Variants in SGMS1 observed in about 807,000 individuals in gnomAD.
The protein encoded by SGMS1 is sphingomyelin synthase 1, also known as phosphatidylcholine:ceramide cholinephosphotransferase 1.
A neutral mutation model predicts 46.2 loss-of-function variants in SGMS1; 13 were observed. That is an observed-to-expected ratio of 0.28 (90% CI 0.18 to 0.45). SGMS1 has a LOEUF of 0.45. Among genes scored for constraint, SGMS1 ranks in the 20% least tolerant of loss-of-function variants. The probability of loss-of-function intolerance (pLI) is 1.00; values close to 1 mark genes in which losing one functional copy is unlikely to be tolerated. For missense variants in SGMS1, 324 were observed against 519.9 expected (o/e 0.62, Z 3.66); for synonymous variants, 203 against 187.8 (o/e 1.08, Z -0.66).
intron 5 of SGMS1, among the ~76,000 whole-genome samples, chr10:50,444,031 A>G (rs1836976388): frequency 1.3e-5 from 2 of 152,176 alleles, no homozygotes; most frequent in African/African-American, 4.8e-5. Flanking sequence ...TGTAAATGTT[A>G]TACTAAAAAT....
intron 6 of SGMS1, among the ~76,000 whole-genome samples, chr10:50,419,577 T>C (rs1425982923): frequency 3.3e-5 from 5 of 152,348 alleles, no homozygotes; most frequent in Non-Finnish European, 5.9e-5. Context: ...TGTGGAAATA[T>C]TCCATCTGAG....
intron 7 of SGMS1, among the ~76,000 whole-genome samples, chr10:50,338,864 C>T (rs1394108164): frequency 2.6e-5 from 4 of 152,108 alleles, no homozygotes; most frequent in African/African-American, 7.2e-5. Flanking sequence ...CTCAGTCTCC[C>T]GAGTAGCTGG....
At chr10:50,471,470 C>G (rs1484816862) in intron 3 of SGMS1, among the ~76,000 whole-genome samples, 1 of 152,166 alleles carries the variant, frequency 6.6e-6, no homozygotes, top group African/African-American at 2.4e-5. Context: ...GGGCCAGACA[C>G]AATTCTAAAT....
At chr10:50,537,373 T>C (rs1328493915) in intron 2 of SGMS1, among the ~76,000 whole-genome samples, 1 of 151,406 alleles carries the variant, frequency 6.6e-6, no homozygotes, top group Admixed American at 6.6e-5. Flanking sequence ...CTCAGCCCTC[T>C]ACCCCATTTC....
rs1005136135 is a variant in SGMS1, at chr10:50,420,062, T to A, written c.-232+13414A>T. Among the ~76,000 whole-genome samples the A allele has an allele frequency of 3.3e-5, 5 of 152,144 alleles. No individual in the cohort carries two copies. The East Asian group carries it at 5.8e-4, about 18-fold the overall frequency. On this transcript the variant is annotated intron_variant, in intron 6 of 10. Transcript: ENST00000361781. ...TGAGGATCTCTAAGAGTGTTTCCAG[T>A]TGGAAACCAAACTATGGTCAAAAGA... is the stretch of plus-strand genomic sequence containing the variant.
At chr10:50,598,304 C>T (rs1375442226) in intron 1 of SGMS1, among the ~76,000 whole-genome samples, 1 of 152,028 alleles carries the variant, frequency 6.6e-6, no homozygotes, top group East Asian at 1.9e-4. Context: ...CACCAGAACC[C>T]AATCATGCTA....
At chr10:50,504,200 C>T (rs967071317) in intron 3 of SGMS1, among the ~76,000 whole-genome samples, 4 of 152,194 alleles carry the variant, frequency 2.6e-5, no homozygotes, top group African/African-American at 9.7e-5. Context: ...CAGGGTGTGT[C>T]ATCACCCTAC....
chr10:50,341,090 CT>C, intron 7 of SGMS1: 2 of 309,892 alleles, frequency 6.5e-6, no homozygotes, highest in South Asian at 5.9e-5. Flanking sequence ...AGTTAACTCT[CT>C]GCTAAGAATA....
chr10:50,387,541 A>G (rs773605612), intron 6 of SGMS1, among the ~76,000 whole-genome samples: 20 of 152,228 alleles, frequency 1.3e-4, no homozygotes, highest in Admixed American at 2.6e-4. Flanking sequence ...AAATACATAG[A>G]CAGACAGATA....
At chr10:50,444,761 A>T (rs1836986969) in intron 5 of SGMS1, among the ~76,000 whole-genome samples, 1 of 152,146 alleles carries the variant, frequency 6.6e-6, no homozygotes, top group South Asian at 2.1e-4. Context: ...TCATACAACT[A>T]ATTATAAAAG....
intron 5 of SGMS1, among the ~76,000 whole-genome samples, chr10:50,449,978 T>C (rs1309484083): frequency 1.3e-5 from 2 of 152,070 alleles, no homozygotes; most frequent in Non-Finnish European, 2.9e-5. Flanking sequence ...CCCTGCAAGA[T>C]TCCAGGGCTT....
At chr10:50,424,182 C>T (rs1358231108) in intron 6 of SGMS1, among the ~76,000 whole-genome samples, 2 of 152,090 alleles carry the variant, frequency 1.3e-5, no homozygotes, top group Non-Finnish European at 2.9e-5. Flanking sequence ...AGATTGAGAG[C>T]GAATGTATCA....
intron 6 of SGMS1, among the ~76,000 whole-genome samples, chr10:50,391,112 CA>C (rs1391845828): frequency 2.0e-5 from 3 of 152,150 alleles, no homozygotes; most frequent in Non-Finnish European, 4.4e-5. Context: ...AAACAAAAGA[CA>C]AAACTTTGAA....
upstream of SGMS1, chr10:50,624,173 C>A: frequency 2.1e-6 from 2 of 974,236 alleles, no homozygotes; most frequent in Non-Finnish European, 2.4e-6. Flanking sequence ...AGGAGGCGGG[C>A]GCTTTCCCCA....
Position 50,344,309 on chromosome 10 carries a change from T to C in SGMS1, c.-195A>G, listed in dbSNP as rs890343090. On this transcript the variant is annotated 5_prime_UTR_variant, in exon 7 of 11. In the 5' UTR this introduces an upstream ATG that the reference lacks. Transcript: ENST00000361781. Reference sequence around the variant, plus strand: ...TGTCCAGGGTTCCTGAGCGCCCAAGTATTAATTCACCTCATTTTTGAGCAG... The same window carrying C: ...TGTCCAGGGTTCCTGAGCGCCCAAGCATTAATTCACCTCATTTTTGAGCAG... 25 of 555,404 alleles carry C rather than the reference T, an allele frequency of 4.5e-5. No individual in the cohort carries two copies. In the South Asian group the frequency reaches 8.5e-4, roughly 19 times the overall value. The allele number at this position is 555,404 out of a possible 1,614,324, so 34.4% of individuals were successfully genotyped here. A position where few individuals can be genotyped will look rare whatever the true frequency, so the allele number is the denominator to read the frequency against.
intron 6 of SGMS1, among the ~76,000 whole-genome samples, chr10:50,400,342 T>A (rs747211376): frequency 3.6e-5 from 5 of 137,562 alleles, no homozygotes; most frequent in Non-Finnish European, 6.4e-5. Flanking sequence ...ACCTACACCA[T>A]AGCTTGTGAA....
At chr10:50,580,829 C>T (rs2098616503) in intron 2 of SGMS1, among the ~76,000 whole-genome samples, 1 of 152,168 alleles carries the variant, frequency 6.6e-6, no homozygotes, top group South Asian at 2.1e-4. Context: ...TGAAAAAGTT[C>T]TGGAGATCTG....
chr10:50,360,286 T>C (rs1848225965), intron 6 of SGMS1, among the ~76,000 whole-genome samples: 1 of 152,168 alleles, frequency 6.6e-6, no homozygotes, highest in African/African-American at 2.4e-5. Flanking sequence ...AACTCCAGTC[T>C]CAGATATTTC....
rs897087705 is a variant in SGMS1 at position 50,519,866 on chromosome 10, C to T, written c.-533G>A. On this transcript the variant is annotated 5_prime_UTR_variant, in exon 3 of 11. Coordinates refer to ENST00000361781, the MANE Select transcript of SGMS1 (RefSeq NM_147156.4). Reference sequence around the variant, plus strand: ...TTACACACCCTCTGCTGTGTTCCAACTTTACTGTTCTTGAAATTCAAAAAG... The same window carrying T: ...TTACACACCCTCTGCTGTGTTCCAATTTTACTGTTCTTGAAATTCAAAAAG... 2.0e-5 allele frequency: 3 copies of T among 152,304 alleles called. No individual in the cohort carries two copies. Among genetic ancestry groups the T allele is most frequent in the Non-Finnish European group, 2.9e-5 (2 of 68,050 alleles). The allele number at this position is 152,304 out of a possible 1,614,324, so 9.4% of individuals were successfully genotyped here. A position where few individuals can be genotyped will look rare whatever the true frequency, so the allele number is the denominator to read the frequency against.
Sources: allele counts gnomAD v4.1 joint callset (sites outside exome capture counted in the v4.1 genomes callset), GRCh38; gene constraint gnomAD v4.1.1; transcripts MANE v1.5; gene names NCBI Gene and HGNC (gene_info 2026-07-23, HGNC 2026-07-21).